The following TUSC3 variants were observed in gnomAD, a reference collection of about 807,000 sequenced individuals.
TUSC3 encodes the protein dolichyl-diphosphooligosaccharide--protein glycosyltransferase subunit TUSC3.
A neutral mutation model predicts 44.8 loss-of-function variants in TUSC3; 45 were observed. That is an observed-to-expected ratio of 1.00 (90% CI 0.79 to 1.29). TUSC3 has a LOEUF of 1.29. TUSC3 is among the 50% of genes most tolerant of loss of function. The probability of loss-of-function intolerance (pLI) is 0.00; values close to 1 mark genes in which losing one functional copy is unlikely to be tolerated. For synonymous variants in TUSC3, 212 were observed against 152.9 expected (o/e 1.39, Z -2.85); for missense variants, 519 against 437.9 (o/e 1.19, Z -1.65).
the TUSC3 span, among the ~76,000 whole-genome samples, chr8:15,823,133 T>C: frequency 1.3e-5 from 2 of 152,312 alleles, no homozygotes; most frequent in South Asian, 4.1e-4. Context: ...TTGCTTATGG[T>C]ATCAGTCTTT....
At chr8:15,561,036 G>T (rs1057349583) in intron 1 of TUSC3, among the ~76,000 whole-genome samples, 1 of 133,294 alleles carries the variant, frequency 7.5e-6, no homozygotes, top group African/African-American at 2.8e-5. Context: ...GCTTTGTTCC[G>T]TTGTTGGTGA....
the TUSC3 span, among the ~76,000 whole-genome samples, chr8:15,785,101 G>T: frequency 6.6e-6 from 1 of 151,908 alleles, no homozygotes; most frequent in East Asian, 1.9e-4. Flanking sequence ...ACTAAAGAAT[G>T]AATTTCTAAC....
chr8:15,621,392 C>A (rs1209684639), intron 1 of TUSC3, among the ~76,000 whole-genome samples: 1 of 150,724 alleles, frequency 6.6e-6, no homozygotes, highest in Non-Finnish European at 1.5e-5. Flanking sequence ...AGGAGAAGTC[C>A]TTCTATGTCA....
At chr8:15,501,618 A>G (rs984909066) in intron 2 of TUSC3, among the ~76,000 whole-genome samples, 4 of 152,178 alleles carry the variant, frequency 2.6e-5, no homozygotes, top group Non-Finnish European at 5.9e-5. Context: ...GTTTATGGCA[A>G]TGGGCTTAAC....
chr8:15,623,049 T>G (rs1226685210), intron 1 of TUSC3, 31 bp from the exon 2 acceptor site: 1 of 1,610,414 alleles, frequency 6.2e-7, no homozygotes, highest in Non-Finnish European at 8.5e-7. Flanking sequence ...TTTGACTCTT[T>G]GTAAATGTTA....
chr8:15,437,176 T>C (rs1799959081), intron 1 of TUSC3, among the ~76,000 whole-genome samples: 7 of 152,192 alleles, frequency 4.6e-5, no homozygotes, highest in Admixed American at 4.6e-4. Context: ...ATTAGTCCCA[T>C]AGTAATTGTA....
intron 1 of TUSC3, among the ~76,000 whole-genome samples, chr8:15,563,962 T>A (rs1802574521): frequency 6.6e-6 from 1 of 152,122 alleles, no homozygotes; most frequent in Non-Finnish European, 1.5e-5. Context: ...TAAATTTTCA[T>A]TGAGTCTGAA....
intron 1 of TUSC3, among the ~76,000 whole-genome samples, chr8:15,549,739 G>C (rs924624396): frequency 1.3e-5 from 2 of 151,562 alleles, no homozygotes; most frequent in African/African-American, 4.8e-5. Context: ...TAATAGTGGA[G>C]TGGTTGTGCT....
intron 2 of TUSC3, among the ~76,000 whole-genome samples, chr8:15,527,721 C>G (rs73193334): frequency 0.11 from 16,405 of 152,164 alleles, 1,179 homozygotes; most frequent in South Asian, 0.26. Context: ...TCGAATACTT[C>G]TGAAGCTCAC....
the TUSC3 span, among the ~76,000 whole-genome samples, chr8:15,805,697 T>G: frequency 6.6e-6 from 1 of 152,182 alleles, no homozygotes; most frequent in Non-Finnish European, 1.5e-5. Flanking sequence ...GTAAATTAAC[T>G]TTCTGATGTG....
intron 6 of TUSC3, among the ~76,000 whole-genome samples, chr8:15,727,717 A>T (rs932355390): frequency 1.3e-5 from 2 of 152,250 alleles, no homozygotes; most frequent in Non-Finnish European, 2.9e-5. Context: ...TTTAGAAGAT[A>T]GAAACAGCTT....
chr8:15,683,849 A>G (rs549966667), intron 6 of TUSC3, among the ~76,000 whole-genome samples: 1 of 152,032 alleles, frequency 6.6e-6, no homozygotes, highest in East Asian at 1.9e-4. Flanking sequence ...ACTATGGTAT[A>G]TGGTGTGTAT....
At chr8:15,592,924 G>A (rs925041398) in intron 1 of TUSC3, among the ~76,000 whole-genome samples, 4 of 152,058 alleles carry the variant, frequency 2.6e-5, no homozygotes, top group Admixed American at 1.3e-4. Flanking sequence ...AAACTCAGGC[G>A]TTTTGGTTCT....
At chr8:15,743,635 T>G in intron 8 of TUSC3, 23 bp downstream of exon 8, 1 of 1,613,528 alleles carries the variant, frequency 6.2e-7, no homozygotes, top group Non-Finnish European at 8.5e-7. Flanking sequence ...GTTGCCATTT[T>G]TGTAATTTCG....
chr8:15,774,856 T>C, the TUSC3 span, among the ~76,000 whole-genome samples: 1 of 152,002 alleles, frequency 6.6e-6, no homozygotes, highest in African/African-American at 2.4e-5. Context: ...GTGAAGAAAA[T>C]GAAGCTCTCA....
At chr8:15,456,644 C>G (rs995213303) in intron 1 of TUSC3, among the ~76,000 whole-genome samples, 1 of 152,010 alleles carries the variant, frequency 6.6e-6, no homozygotes, top group Non-Finnish European at 1.5e-5. Flanking sequence ...GAAAAAAGGA[C>G]TTTTTATTAA....
At chr8:15,632,917 T>G (rs1299706336) in intron 2 of TUSC3, among the ~76,000 whole-genome samples, 3 of 152,184 alleles carry the variant, frequency 2.0e-5, no homozygotes, top group African/African-American at 7.2e-5. Flanking sequence ...TAAGCTTACG[T>G]TGTATGTTCT....
the TUSC3 span, among the ~76,000 whole-genome samples, chr8:15,844,856 A>C: frequency 6.6e-6 from 1 of 152,180 alleles, no homozygotes; most frequent in African/African-American, 2.4e-5. Flanking sequence ...AAAGCAATTT[A>C]ATGTGGCAGC....
rs147132933 is a variant in TUSC3 at position 15,667,151 on chromosome 8, G to A, written c.708+4855G>A. ...ATCTCCTTAATCCAACTCAATAGTGGTTATAAATACTTGTTGAAATTGTTA... is the reference window on the plus strand; with the variant it reads ...ATCTCCTTAATCCAACTCAATAGTGATTATAAATACTTGTTGAAATTGTTA... On this transcript the variant is annotated intron_variant, in intron 5 of 10. Transcript: ENST00000503731. Among the ~76,000 whole-genome samples the A allele has an allele frequency of 6.3e-4, 96 of 151,680 alleles. 3 individuals carry two copies. The East Asian group carries it at 0.017, about 27-fold the overall frequency.
Sources: gnomAD v4.1 joint callset for allele counts (sites outside exome capture counted in the v4.1 genomes callset) on GRCh38, gnomAD v4.1.1 for gene constraint, MANE v1.5 for transcripts, NCBI Gene and HGNC (gene_info 2026-07-23, HGNC 2026-07-21) for gene names.